The following CSMD3 variants were observed in gnomAD, a reference collection of about 807,000 sequenced individuals.
The protein encoded by CSMD3 is CUB and Sushi multiple domains 3, also known as CUB and sushi domain-containing protein 3.
In CSMD3, 177 loss-of-function variants were observed where a neutral mutation model predicts 435.2. That is an observed-to-expected ratio of 0.41 (90% confidence interval 0.36 to 0.46). The LOEUF (loss-of-function observed/expected upper bound fraction) is 0.46, where lower values mean the gene tolerates loss of function less well. CSMD3 is among the 20% of genes least tolerant of loss of function. The pLI is 0.34. For missense variants in CSMD3, 4,265 were observed against 4,504.6 expected (o/e 0.95, Z 1.52); for synonymous variants, 1,656 against 1,520.5 (o/e 1.09, Z -2.07).
Position 113,198,603 on chromosome 8 carries a change from A to T in CSMD3, c.515-24687T>A, listed in dbSNP as rs577124985. On this transcript the variant is annotated intron_variant, in intron 3 of 70. Coordinates refer to ENST00000297405, the MANE Select transcript of CSMD3 (RefSeq NM_198123.2). ...TTTGTTTTTGTTTTTGTTTTTTTTT[A>T]AAAAGAAGTCCATAATTACATTTTA... Among the ~76,000 whole-genome samples, 853 of 148,760 alleles carry T rather than the reference A, an allele frequency of 5.7e-3. 10 individuals carry two copies. The highest frequency in any genetic ancestry group is 0.019 in the African/African-American group (761 of 39,252).
intron 32 of CSMD3, among the ~76,000 whole-genome samples, chr8:112,453,070 C>A (rs1816464322): frequency 6.6e-6 from 1 of 152,104 alleles, no homozygotes. Flanking sequence ...AGAAGCTGGA[C>A]AATTATTTCC....
intron 4 of CSMD3, among the ~76,000 whole-genome samples, chr8:113,170,509 G>A (rs1021574230): frequency 6.6e-6 from 1 of 152,062 alleles, no homozygotes; most frequent in Non-Finnish European, 1.5e-5. Flanking sequence ...GCAATTATCT[G>A]TAAAATCTTC....
chr8:112,780,048 T>A (rs75485837), intron 13 of CSMD3, among the ~76,000 whole-genome samples: 2,496 of 152,224 alleles, frequency 0.016, 82 homozygotes, highest in African/African-American at 0.056. Context: ...CTATATCATA[T>A]TTAAAATTAA....
chr8:112,869,230 T>G (rs1401032895), intron 10 of CSMD3, among the ~76,000 whole-genome samples: 1 of 152,176 alleles, frequency 6.6e-6, no homozygotes, highest in South Asian at 2.1e-4. Context: ...GCACATTATC[T>G]GTGTTTATAA....
rs1221516539 is a variant in CSMD3 at position 112,292,603 on chromosome 8, G to T, written c.8722C>A (p.Gln2908Lys). The change falls in exon 55 of 71, where the codon CAA becomes AAA. Residue 2908 changes from glutamine (Q) to lysine (K), a missense_variant. Physicochemically the swap from Gln to Lys is moderately conservative, Grantham distance 53. Transcript: ENST00000297405. ...TGGCACTGTGCCTTTGTTGGCCCTT[G>T]CATAAGATACCCAATATTGCATGAG... ...TFSCNIGYLM[Q>K]GPTKAQCQAN... is the part of the protein sequence containing the mutation. The T allele has an allele frequency of 1.2e-6, 2 of 1,613,614 alleles. No homozygotes were observed. The highest frequency in any genetic ancestry group is 2.2e-5 in the East Asian group (1 of 44,870).
rs118050814 is a variant in CSMD3 at position 112,883,106 on chromosome 8, G to A, written c.1634-23840C>T. Among the ~76,000 whole-genome samples, 421 of 152,012 alleles carry A rather than the reference G, an allele frequency of 2.8e-3. 1 individual carries two copies. Among genetic ancestry groups the A allele is most frequent in the Non-Finnish European group, 3.5e-3 (239 of 67,916 alleles). On this transcript the variant is annotated intron_variant, in intron 10 of 70. Coordinates refer to ENST00000297405, the MANE Select transcript of CSMD3 (RefSeq NM_198123.2). ...CTGGCAAGCAGATGTCCAGGATAAAGGAGCACACTTTTGCTTAAAATGTTC... is the reference window on the plus strand; with the variant it reads ...CTGGCAAGCAGATGTCCAGGATAAAAGAGCACACTTTTGCTTAAAATGTTC...
intron 24 of CSMD3, among the ~76,000 whole-genome samples, chr8:112,563,725 C>T (rs1400709223): frequency 6.6e-6 from 1 of 151,980 alleles, no homozygotes; most frequent in Non-Finnish European, 1.5e-5. Flanking sequence ...TAGGTGACTA[C>T]CAATTTACAT....
At chr8:113,168,394 G>A (rs1031071774) in intron 4 of CSMD3, among the ~76,000 whole-genome samples, 5 of 151,566 alleles carry the variant, frequency 3.3e-5, no homozygotes, top group Admixed American at 6.6e-5. Flanking sequence ...GGTGGCACAC[G>A]CCTGTTGTCC....
At chr8:112,928,647 A>T (rs2082992449) in intron 9 of CSMD3, among the ~76,000 whole-genome samples, 1 of 149,760 alleles carries the variant, frequency 6.7e-6, no homozygotes, top group Admixed American at 6.7e-5. Context: ...ATAGTATTCC[A>T]TGGTGTATAT....
intron 5 of CSMD3, among the ~76,000 whole-genome samples, chr8:113,058,422 G>T (rs1402255553): frequency 6.6e-6 from 1 of 151,548 alleles, no homozygotes; most frequent in African/African-American, 2.4e-5. Context: ...GAGTTTGCTG[G>T]GTTTTTTTAA....
At chr8:112,404,371 A>C (rs970894971) in intron 35 of CSMD3, among the ~76,000 whole-genome samples, 3 of 152,102 alleles carry the variant, frequency 2.0e-5, no homozygotes, top group African/African-American at 7.2e-5. Flanking sequence ...CTACTAAAAG[A>C]TAGAAAAAAT....
intron 17 of CSMD3, among the ~76,000 whole-genome samples, chr8:112,664,114 T>C (rs2075458304): frequency 6.6e-6 from 1 of 152,060 alleles, no homozygotes; most frequent in African/African-American, 2.4e-5. Context: ...CCGTTGCACC[T>C]CCTGATACAA....
At chr8:112,379,282 C>G (rs530520444) in intron 38 of CSMD3, among the ~76,000 whole-genome samples, 1 of 152,168 alleles carries the variant, frequency 6.6e-6, no homozygotes, top group South Asian at 2.1e-4. Flanking sequence ...CCAGCCTGAC[C>G]AACATGGTGA....
chr8:112,899,662 TACACACACACAC>T (rs60352918), intron 10 of CSMD3, among the ~76,000 whole-genome samples: 4 of 121,690 alleles, frequency 3.3e-5, no homozygotes, highest in Admixed American at 2.7e-4. Flanking sequence ...CGCAAATACA[TACACACACACAC>T]ACACACACAC....
chr8:112,669,825 T>C (rs1377394733), intron 16 of CSMD3, among the ~76,000 whole-genome samples: 1 of 152,198 alleles, frequency 6.6e-6, no homozygotes, highest in Non-Finnish European at 1.5e-5. Context: ...TTTTATATAA[T>C]GCTCAAAATA....
At chr8:112,985,703 T>C (rs981631071) in intron 6 of CSMD3, among the ~76,000 whole-genome samples, 1 of 152,056 alleles carries the variant, frequency 6.6e-6, no homozygotes, top group Non-Finnish European at 1.5e-5. Context: ...ATCAGATCAG[T>C]GGTGGCATTA....
chr8:112,429,791 A>G (rs1813466425), intron 32 of CSMD3, among the ~76,000 whole-genome samples: 1 of 152,074 alleles, frequency 6.6e-6, no homozygotes, highest in Non-Finnish European at 1.5e-5. Context: ...CTCATTTACA[A>G]ACATGAAAGT....
At chr8:112,936,774 A>G (rs1217575727) in intron 9 of CSMD3, among the ~76,000 whole-genome samples, 2 of 152,126 alleles carry the variant, frequency 1.3e-5, no homozygotes, top group East Asian at 1.9e-4. Context: ...CCCAAAATAT[A>G]CTCACACTAC....
chr8:113,433,118 AG>A (rs2094685093), intron 1 of CSMD3, among the ~76,000 whole-genome samples: 2 of 152,094 alleles, frequency 1.3e-5, no homozygotes, highest in South Asian at 4.2e-4. Context: ...TCAAATACAA[AG>A]GTTACCTTTC....
Sources: gnomAD v4.1 joint callset for allele counts (sites outside exome capture counted in the v4.1 genomes callset) on GRCh38, gnomAD v4.1.1 for gene constraint, MANE v1.5 for transcripts, NCBI Gene and HGNC (gene_info 2026-07-23, HGNC 2026-07-21) for gene names.